The following LRRC8E variants were observed in gnomAD, a reference collection of about 807,000 sequenced individuals.
LRRC8E encodes the protein volume-regulated anion channel subunit LRRC8E.
In LRRC8E, 6 loss-of-function variants were observed where a neutral mutation model predicts 6.1. The observed-to-expected ratio is 0.98, with a 90% confidence interval of 0.54 to 1.93. The LOEUF (loss-of-function observed/expected upper bound fraction) is 1.93, where lower values mean the gene tolerates loss of function less well. LRRC8E is among the 30% of genes most tolerant of loss of function. LRRC8E has a pLI of 0.01. For missense variants in LRRC8E, 1,028 were observed against 1,031.4 expected (o/e 1.00, Z 0.04); for synonymous variants, 485 against 472.8 (o/e 1.03, Z -0.33).
intron 1 of LRRC8E, chr19:7,893,569 A>T (rs1239070612): frequency 6.8e-6 from 1 of 146,924 alleles, no homozygotes; most frequent in South Asian, 2.1e-4. Context: ...TTTTCCCGAG[A>T]CAGAGTCTCG....
In LRRC8E at chr19:7,899,570, G is replaced by A; in HGVS notation, c.1048G>A (p.Glu350Lys). 6.2e-7 allele frequency: 1 copy of A among 1,613,888 alleles called. No homozygotes were observed. The highest frequency in any genetic ancestry group is 8.5e-7 in the Non-Finnish European group (1 of 1,180,046). ...KEYSFRSVRE[E>K]TGMGDIPDVK... is the part of the protein sequence containing the mutation. Reference sequence around the variant, plus strand: ...GTACTCCTTCCGTTCCGTGCGGGAGGAGACTGGCATGGGGGACATTCCTGA... The same window carrying A: ...GTACTCCTTCCGTTCCGTGCGGGAGAAGACTGGCATGGGGGACATTCCTGA... Residue 350 changes from glutamate (E) to lysine (K), a missense_variant, in exon 3 of 3, where the codon GAG becomes AAG. Coordinates refer to ENST00000306708, the MANE Select transcript of LRRC8E (RefSeq NM_025061.6).
chr19:7,899,294 C>T lies in LRRC8E; in HGVS notation c.772C>T (p.Gln258Ter). ...GDILYTMYIR[Q>*]TVLKVCKFLA... ...CATCCTGTACACCATGTACATCCGA[C>T]AGACGGTGCTGAAAGTGTGTAAGTT... Residue 258 changes from glutamine (Q) to a stop codon, truncating the protein, a stop_gained, in exon 3 of 3, where the codon CAG becomes TAG. Transcript: ENST00000306708. LOFTEE classifies it low-confidence loss of function (END_TRUNC). The T allele has an allele frequency of 6.2e-7, 1 of 1,614,228 alleles. No individual in the cohort carries two copies. The highest frequency in any genetic ancestry group is 1.1e-5 in the South Asian group (1 of 91,092).
Position 7,900,839 on chromosome 19 carries a change from G to A in LRRC8E, c.2317G>A (p.Ala773Thr). 1 of 1,569,120 alleles carries A rather than the reference G, an allele frequency of 6.4e-7. No homozygotes were observed. Among genetic ancestry groups the A allele is most frequent in the Non-Finnish European group, 8.6e-7 (1 of 1,158,598 alleles). Residue 773 changes from alanine (A) to threonine (T), a missense_variant, in exon 3 of 3, where the codon GCG becomes ACG. By Grantham distance (58) the Ala-to-Thr change is moderately conservative. Coordinates refer to ENST00000306708, the MANE Select transcript of LRRC8E (RefSeq NM_025061.6). This position sits in a 1 kb window ranked among gnomAD's most constrained non-coding sequence, Gnocchi z 5.0. ...ELGNCGGLKK[A>T]GLLVEDTLYQ... is the part of the protein sequence containing the mutation. ...TGGCAACTGTGGGGGGCTCAAGAAG[G>A]CGGGGCTCCTGGTGGAAGACACGCT...
rs1352620702 is a variant in LRRC8E at position 7,899,178 on chromosome 19, T to G, written c.656T>G (p.Val219Gly). 2 of 1,614,004 alleles carry G rather than the reference T, an allele frequency of 1.2e-6. No homozygotes were observed. Among genetic ancestry groups the G allele is most frequent in the Non-Finnish European group, 1.7e-6 (2 of 1,179,988 alleles). ...GAGAAGGTGGTGACCGAGCCTCCAG[T>G]TGTCACCCTGTTGGACAAGAAGGAG... is the stretch of plus-strand genomic sequence containing the variant. ...EPEKVVTEPP[V>G]VTLLDKKEGE... is the part of the protein sequence containing the mutation. Residue 219 changes from valine (V) to glycine (G), a missense_variant, in exon 3 of 3, where the codon GTT (valine) becomes GGT (glycine). Transcript: ENST00000306708.
At chr19:7,896,896 CATATTTTCACAA>C (rs1981625449) in intron 2 of LRRC8E, among the ~76,000 whole-genome samples, 1 of 152,036 alleles carries the variant, frequency 6.6e-6, no homozygotes, top group Non-Finnish European at 1.5e-5. Context: ...TGTCCAGCCC[CATATTTTCACAA>C]TGCTCAGTTT....
intron 2 of LRRC8E, among the ~76,000 whole-genome samples, chr19:7,896,883 C>T (rs984489940): frequency 6.6e-6 from 1 of 152,156 alleles, no homozygotes; most frequent in Non-Finnish European, 1.5e-5. Context: ...GTGTGAGCCA[C>T]TGTGTCCAGC....
chr19:7,897,058 G>T (rs1981632662), intron 2 of LRRC8E, among the ~76,000 whole-genome samples: 1 of 152,180 alleles, frequency 6.6e-6, no homozygotes, highest in Non-Finnish European at 1.5e-5. Flanking sequence ...AGAAGTCTGA[G>T]ATCAAGGCGT....
In LRRC8E at chr19:7,895,642, G is replaced by C. The variant is rs1278509688; in HGVS notation, c.39G>C (p.Gln13His). 4.3e-6 allele frequency: 7 copies of C among 1,614,140 alleles called. No homozygotes were observed. Among genetic ancestry groups the C allele is most frequent in the Non-Finnish European group, 5.9e-6 (7 of 1,179,976 alleles). Residue 13 changes from glutamine (Q) to histidine (H), a missense_variant, in exon 2 of 3, where the codon CAG becomes CAC. Physicochemically the swap from Gln to His is conservative, Grantham distance 24. Transcript: ENST00000306708. This position sits in a 1 kb window ranked among gnomAD's most constrained non-coding sequence, Gnocchi z 4.7. ...PVAEFKQFTE[Q>H]QPAFKVLKPW... is the part of the protein sequence containing the mutation. ...CCGAGTTCAAGCAGTTCACGGAACAGCAGCCTGCGTTCAAGGTGCTCAAAC... is the reference window on the plus strand; with the variant it reads ...CCGAGTTCAAGCAGTTCACGGAACACCAGCCTGCGTTCAAGGTGCTCAAAC...
rs1981530038 is a variant in LRRC8E, at chr19:7,895,504, A to AG, written c.-5-93dup. On this transcript the variant is annotated intron_variant, in intron 1 of 2. Transcript: ENST00000306708. This position sits in a 1 kb window ranked among gnomAD's most constrained non-coding sequence, Gnocchi z 4.7. ...GACAAGTTTGGGCAGGGAGGGTCAC[A>AG]GGCCTGCCTGTGTCCGGCTCCTCGG... The AG allele has an allele frequency of 6.7e-7, 1 of 1,493,490 alleles. No homozygotes were observed. 92.5% of individuals were successfully genotyped at this position (1,493,490 alleles called of 1,614,324 possible).
chr19:7,890,214 A>AT, intron 1 of LRRC8E, among the ~76,000 whole-genome samples: 1 of 152,042 alleles, frequency 6.6e-6, no homozygotes, highest in South Asian at 2.1e-4. Flanking sequence ...TCATCACCAC[A>AT]TTTTTTGGAG....
Position 7,900,661 on chromosome 19 carries a change from C to T in LRRC8E, c.2139C>T (p.Ala713=). 1.2e-6 allele frequency: 2 copies of T among 1,613,450 alleles called. No homozygotes were observed. The highest frequency in any genetic ancestry group is 1.7e-6 in the Non-Finnish European group (2 of 1,180,038). Residue 713 remains alanine (A), a synonymous_variant, in exon 3 of 3, where the codon GCC becomes GCT. Coordinates refer to ENST00000306708, the MANE Select transcript of LRRC8E (RefSeq NM_025061.6). The surrounding 1 kb of genome is among the most constrained non-coding windows in gnomAD (Gnocchi z 5.0). The stretch of plus-strand genomic sequence containing the variant: ...CCCTCTCCTACAATGCCCTGGAGGC[C>T]CTGCCCGAAGAGCTCTTCTTCTGCC... ...HLALSYNALE[A]LPEELFFCRK... is the part of the protein sequence containing the mutation.
In LRRC8E at chr19:7,900,562, G is replaced by A; in HGVS notation, c.2040G>A (p.Leu680=). 6.2e-7 allele frequency: 1 copy of A among 1,613,184 alleles called. No homozygotes were observed. The highest frequency in any genetic ancestry group is 1.3e-5 in the African/African-American group (1 of 75,070). Residue 680 remains leucine, a synonymous_variant, in exon 3 of 3, where the codon CTG becomes CTA. Transcript: ENST00000306708. This position sits in a 1 kb window ranked among gnomAD's most constrained non-coding sequence, Gnocchi z 5.0. ...TCGGCCTGTGCTCAGGCCTCCGTCT[G>A]CTGGATGTGTCCCACAATGGGCTAC... is the stretch of plus-strand genomic sequence containing the variant. ...SQLGLCSGLR[L]LDVSHNGLHS...
intron 1 of LRRC8E, among the ~76,000 whole-genome samples, chr19:7,891,095 TG>T (rs1981283347): frequency 6.6e-6 from 1 of 152,216 alleles, no homozygotes; most frequent in Non-Finnish European, 1.5e-5. Flanking sequence ...AGGCTTCGAA[TG>T]CCGCTTGGAA....
At chr19:7,893,216 C>T (rs1299478311) in intron 1 of LRRC8E, among the ~76,000 whole-genome samples, 2 of 152,162 alleles carry the variant, frequency 1.3e-5, no homozygotes, top group East Asian at 3.9e-4. Flanking sequence ...TCACGTTGGC[C>T]AGGCTGGTCC....
intron 1 of LRRC8E, among the ~76,000 whole-genome samples, chr19:7,894,573 G>A (rs938195173): frequency 6.6e-6 from 1 of 152,206 alleles, no homozygotes; most frequent in African/African-American, 2.4e-5. Context: ...GCTCCCAGGA[G>A]TGGGGGAACT....
At position 7,895,874 on chromosome 19, in the gene LRRC8E, C is replaced by A; in HGVS notation, c.138+133C>A. ...AGCCCCACTCAAAGGCCAATCCAGA[C>A]CCCTTATCTTCCTTACCTCCATAGC... On this transcript the variant is annotated intron_variant, in intron 2 of 2. Transcript: ENST00000306708. This position sits in a 1 kb window ranked among gnomAD's most constrained non-coding sequence, Gnocchi z 4.7. 1 of 1,095,470 alleles carries A rather than the reference C, an allele frequency of 9.1e-7. No homozygotes were observed. Among genetic ancestry groups the A allele is most frequent in the Non-Finnish European group, 1.3e-6 (1 of 769,606 alleles). 67.9% of individuals were successfully genotyped at this position (1,095,470 alleles called of 1,614,324 possible).
In LRRC8E at chr19:7,895,619, G is replaced by A. The variant is rs747829309; in HGVS notation, c.16G>A (p.Glu6Lys). Residue 6 changes from glutamate to lysine, a missense_variant, in exon 2 of 3, where the codon GAG becomes AAG. Physicochemically the swap from Glu to Lys is moderately conservative, Grantham distance 56 (BLOSUM62 1). Coordinates refer to ENST00000306708, the MANE Select transcript of LRRC8E (RefSeq NM_025061.6). This position sits in a 1 kb window ranked among gnomAD's most constrained non-coding sequence, Gnocchi z 4.7. ...CACAGGCAGCATGATCCCAGTGGCC[G>A]AGTTCAAGCAGTTCACGGAACAGCA... is the stretch of plus-strand genomic sequence containing the variant. MIPVAEFKQFTEQQPA... is the reference protein window; with the variant it reads MIPVAKFKQFTEQQPA... 3.1e-6 allele frequency: 5 copies of A among 1,613,252 alleles called. No homozygotes were observed. The highest frequency in any genetic ancestry group is 1.1e-5 in the South Asian group (1 of 91,082).
Position 7,900,204 on chromosome 19 carries a change from A to C in LRRC8E, c.1682A>C (p.Gln561Pro). The change falls in exon 3 of 3, where the codon CAG (glutamine) becomes CCG (proline). Residue 561 changes from glutamine (Q) to proline (P), a missense_variant. Transcript: ENST00000306708. This position sits in a 1 kb window ranked among gnomAD's most constrained non-coding sequence, Gnocchi z 5.0. ...ASVTDVAGHLQRLSLHNDGAR... is the reference protein window; with the variant it reads ...ASVTDVAGHLPRLSLHNDGAR... ...GTGACCGACGTTGCTGGCCACCTGC[A>C]GAGGCTCAGCCTGCACAACGATGGG... 6.2e-7 allele frequency: 1 copy of C among 1,612,996 alleles called. No individual in the cohort carries two copies. Among genetic ancestry groups the C allele is most frequent in the South Asian group, 1.1e-5 (1 of 91,068 alleles).
chr19:7,892,135 C>T (rs956240696), intron 1 of LRRC8E, among the ~76,000 whole-genome samples: 2 of 150,682 alleles, frequency 1.3e-5, no homozygotes, highest in African/African-American at 2.4e-5. Context: ...TACAGTTGTG[C>T]AATCTTGGCT....
Sources: allele counts gnomAD v4.1 joint callset (sites outside exome capture counted in the v4.1 genomes callset), GRCh38; gene constraint gnomAD v4.1.1; non-coding constraint Gnocchi (gnomAD v3.1); transcripts MANE v1.5; gene names NCBI Gene and HGNC (gene_info 2026-07-23, HGNC 2026-07-21).